Variants in LSAMP observed in about 807,000 individuals in gnomAD.
LSAMP encodes the protein limbic system associated membrane protein.
A neutral mutation model predicts 38.6 loss-of-function variants in LSAMP; 7 were observed. The observed-to-expected ratio is 0.18, with a 90% CI of 0.10 to 0.34. The LOEUF is 0.34. LSAMP is among the 10% of genes least tolerant of loss of function. The pLI, the probability that LSAMP is intolerant of heterozygous loss-of-function variation, is 1.00. For missense variants in LSAMP, 313 were observed against 420.0 expected (o/e 0.75, Z 2.23); for synonymous variants, 154 against 166.8 (o/e 0.92, Z 0.59).
At chr3:115,949,782 GAAAA>G (rs540641796) in intron 3 of LSAMP, among the ~76,000 whole-genome samples, 1 of 140,878 alleles carries the variant, frequency 7.1e-6, no homozygotes, top group South Asian at 2.2e-4. Flanking sequence ...ACATAACAAA[GAAAA>G]AAAAAAAGAA....
rs1050222667 is a variant in LSAMP at position 116,279,521 on chromosome 3, T to G, written c.155+165356A>C. ...CTATCTACTCTCATGTGAAAGATTC[T>G]CTACACTGATTTTTGCTTGTGCTAG... On this transcript the variant is annotated intron_variant, in intron 1 of 6. Transcript: ENST00000490035. 2.0e-5 allele frequency among the ~76,000 whole-genome samples: 3 copies of G among 152,228 alleles called. No homozygotes were observed. In the South Asian group the frequency reaches 6.2e-4, roughly 32 times the overall value.
intron 3 of LSAMP, among the ~76,000 whole-genome samples, chr3:115,961,986 A>T (rs1938642267): frequency 1.3e-5 from 2 of 152,196 alleles, no homozygotes; most frequent in African/African-American, 2.4e-5. Flanking sequence ...GTTGTCTAAA[A>T]TAACACCCTT....
At chr3:116,001,648 T>C (rs1939996720) in intron 3 of LSAMP, among the ~76,000 whole-genome samples, 1 of 152,172 alleles carries the variant, frequency 6.6e-6, no homozygotes, top group Non-Finnish European at 1.5e-5. Context: ...CTTTTCCAGT[T>C]TCTGGAAGCT....
chr3:116,019,386 A>G, intron 3 of LSAMP, 129 bp downstream of exon 3: 1 of 1,149,028 alleles, frequency 8.7e-7, no homozygotes, highest in Non-Finnish European at 1.2e-6. Context: ...TAGATGCATG[A>G]CCTTCTGATT....
At chr3:116,387,815 C>T (rs752135902) in intron 1 of LSAMP, among the ~76,000 whole-genome samples, 4 of 151,980 alleles carry the variant, frequency 2.6e-5, no homozygotes, top group African/African-American at 2.4e-5. Context: ...CTACTTTTGC[C>T]GGGCGCAGTA....
chr3:116,243,571 A>G (rs1576455810), intron 1 of LSAMP, among the ~76,000 whole-genome samples: 1 of 152,222 alleles, frequency 6.6e-6, no homozygotes, highest in East Asian at 1.9e-4. Flanking sequence ...TAACTACTCA[A>G]TGCATGTTTT....
At chr3:116,356,193 C>T (rs1479483138) in intron 1 of LSAMP, among the ~76,000 whole-genome samples, 2 of 152,092 alleles carry the variant, frequency 1.3e-5, no homozygotes, top group Admixed American at 1.3e-4. Context: ...TGTCCATCAA[C>T]AGACAAGTAG....
At chr3:116,149,498 G>A (rs1212682479) in intron 1 of LSAMP, among the ~76,000 whole-genome samples, 3 of 151,942 alleles carry the variant, frequency 2.0e-5, no homozygotes, top group East Asian at 1.9e-4. Context: ...TTGCAAAACC[G>A]TTTGAGAGAT....
In LSAMP at chr3:115,841,855, T is replaced by G; in HGVS notation, c.909A>C (p.Leu303=). The G allele has an allele frequency of 6.2e-7, 1 of 1,611,728 alleles. No homozygotes were observed. Among genetic ancestry groups the G allele is most frequent in the Non-Finnish European group, 8.5e-7 (1 of 1,179,238 alleles). The change falls in exon 6 of 7, where the codon CTA becomes CTC. Residue 303 remains leucine (L), a synonymous_variant. Transcript: ENST00000490035. ...ANKLGVTNAS[L]VLFRPGSVRG... ...CTTTGGCATACTTACTGAAAAGGACTAGGCTGGCATTGGTGACCCCCAGCT... is the reference window on the plus strand; with the variant it reads ...CTTTGGCATACTTACTGAAAAGGACGAGGCTGGCATTGGTGACCCCCAGCT...
At chr3:115,846,694 ACCT>A (rs1935171329) in intron 4 of LSAMP, among the ~76,000 whole-genome samples, 1 of 152,006 alleles carries the variant, frequency 6.6e-6, no homozygotes, top group African/African-American at 2.4e-5. Flanking sequence ...CATGCTCTGA[ACCT>A]CTCTGCTCTG....
intron 1 of LSAMP, among the ~76,000 whole-genome samples, chr3:116,244,442 T>C: frequency 6.6e-6 from 1 of 152,174 alleles, no homozygotes; most frequent in South Asian, 2.1e-4. Context: ...GAAGTCATTA[T>C]CTTCCCTTCC....
intron 1 of LSAMP, among the ~76,000 whole-genome samples, chr3:116,387,609 GT>G (rs2048642008): frequency 6.6e-6 from 1 of 152,140 alleles, no homozygotes; most frequent in Non-Finnish European, 1.5e-5. Flanking sequence ...GTGTTTTAGG[GT>G]TCTCTTTCCC....
intron 1 of LSAMP, among the ~76,000 whole-genome samples, chr3:116,112,534 T>C (rs548462709): frequency 7.2e-5 from 11 of 152,344 alleles, no homozygotes; most frequent in African/African-American, 2.6e-4. Flanking sequence ...AATCAGATGT[T>C]ACAATCCCTA....
At chr3:116,016,385 A>G (rs1247522448) in intron 3 of LSAMP, among the ~76,000 whole-genome samples, 1 of 152,196 alleles carries the variant, frequency 6.6e-6, no homozygotes, top group Non-Finnish European at 1.5e-5. Context: ...CGCAATAGAA[A>G]GCTAGTTTTG....
intron 1 of LSAMP, among the ~76,000 whole-genome samples, chr3:116,354,203 T>C (rs1347186907): frequency 1.3e-5 from 2 of 152,200 alleles, no homozygotes; most frequent in African/African-American, 4.8e-5. Flanking sequence ...TGTCCTGTCT[T>C]TTCCAGTGTT....
intron 1 of LSAMP, among the ~76,000 whole-genome samples, chr3:116,159,187 T>A (rs1402648634): frequency 1.3e-5 from 2 of 152,122 alleles, no homozygotes; most frequent in Non-Finnish European, 2.9e-5. Context: ...ATTCTGGACA[T>A]AGGACGTTGC....
intron 1 of LSAMP, among the ~76,000 whole-genome samples, chr3:116,287,125 ACT>A (rs1491588721): frequency 2.6e-5 from 4 of 152,050 alleles, no homozygotes; most frequent in Admixed American, 1.3e-4. Context: ...TTTAAAGTTA[ACT>A]GTTTAAGACT....
At chr3:116,208,690 G>A (rs1475667039) in intron 1 of LSAMP, among the ~76,000 whole-genome samples, 2 of 152,164 alleles carry the variant, frequency 1.3e-5, no homozygotes, top group African/African-American at 4.8e-5. Context: ...CCTGCTGGGG[G>A]GTGCCTCCCA....
At chr3:116,313,315 C>A (rs1197540645) in intron 1 of LSAMP, among the ~76,000 whole-genome samples, 1 of 152,186 alleles carries the variant, frequency 6.6e-6, no homozygotes, top group African/African-American at 2.4e-5. Flanking sequence ...TTTTAGCCTG[C>A]TGCCTGGATA....
Sources: allele counts gnomAD v4.1 joint callset (sites outside exome capture counted in the v4.1 genomes callset), GRCh38; gene constraint gnomAD v4.1.1; transcripts MANE v1.5; gene names NCBI Gene and HGNC (gene_info 2026-07-23, HGNC 2026-07-21).